Variants in TP63 observed in about 807,000 individuals in gnomAD.
TP63 encodes the protein tumor protein 63.
A neutral mutation model predicts 82.8 loss-of-function variants in TP63; 17 were observed. That is an observed-to-expected ratio of 0.21 (90% CI 0.14 to 0.31). The LOEUF (loss-of-function observed/expected upper bound fraction) is 0.31, where lower values mean the gene tolerates loss of function less well. TP63 is among the 10% of genes least tolerant of loss of function. The pLI is 1.00. For synonymous variants in TP63, 330 were observed against 321.7 expected, an observed-to-expected ratio of 1.03 and a Z score of -0.28; for missense variants, 648 against 895.3, an observed-to-expected ratio of 0.72 and a Z score of 3.52.
intron 1 of TP63, among the ~76,000 whole-genome samples, chr3:189,682,572 A>ATG (rs1716069772): frequency 2.0e-5 from 1 of 50,300 alleles, no homozygotes; most frequent in Non-Finnish European, 3.4e-5. Flanking sequence ...ATATATATAT[A>ATG]TATATATATA....
chr3:189,811,895 C>T (rs1484945397), intron 4 of TP63, among the ~76,000 whole-genome samples: 1 of 152,186 alleles, frequency 6.6e-6, no homozygotes, highest in Admixed American at 6.5e-5. Flanking sequence ...TGGAGCTTGC[C>T]TCTTATGTCC....
intron 3 of TP63, among the ~76,000 whole-genome samples, chr3:189,805,483 G>A (rs1414188135): frequency 6.6e-6 from 1 of 152,196 alleles, no homozygotes; most frequent in Non-Finnish European, 1.5e-5. Flanking sequence ...AAGTTAGTCA[G>A]GTAAGTTTTA....
At chr3:189,879,306 C>T (rs1231529418) in intron 10 of TP63, among the ~76,000 whole-genome samples, 3 of 152,132 alleles carry the variant, frequency 2.0e-5, no homozygotes, top group Non-Finnish European at 4.4e-5. Context: ...TGAGATTGCC[C>T]AACTTTCAGC....
At chr3:189,756,486 A>T (rs1179300869) in intron 3 of TP63, among the ~76,000 whole-genome samples, 1 of 152,222 alleles carries the variant, frequency 6.6e-6, no homozygotes, top group Admixed American at 6.5e-5. Flanking sequence ...ACAAGTATGC[A>T]TTTCAAACCC....
intron 4 of TP63, among the ~76,000 whole-genome samples, chr3:189,854,752 A>G (rs548794762): frequency 6.6e-6 from 1 of 152,182 alleles, no homozygotes; most frequent in Non-Finnish European, 1.5e-5. Context: ...GAAAGGGCTT[A>G]TATTAAAAAC....
At chr3:189,620,525 A>C in the TP63 span, among the ~76,000 whole-genome samples, 2 of 151,982 alleles carry the variant, frequency 1.3e-5, no homozygotes, top group South Asian at 2.1e-4. Flanking sequence ...AACAAAAAAA[A>C]AAAACCTCTC....
the TP63 span, among the ~76,000 whole-genome samples, chr3:189,613,314 A>C: frequency 6.6e-6 from 1 of 152,120 alleles, no homozygotes; most frequent in Non-Finnish European, 1.5e-5. Context: ...GCCAACACAC[A>C]CCTTGGGCTG....
chr3:189,599,074 T>G, the TP63 span, among the ~76,000 whole-genome samples: 1 of 152,194 alleles, frequency 6.6e-6, no homozygotes, highest in Admixed American at 6.5e-5. Flanking sequence ...TCTCAGACCT[T>G]TTTTTCATGT....
At chr3:189,619,612 T>G in the TP63 span, among the ~76,000 whole-genome samples, 2 of 152,068 alleles carry the variant, frequency 1.3e-5, no homozygotes, top group Admixed American at 6.6e-5. Context: ...GAGCCCTAAG[T>G]TTTTCAATAT....
At chr3:189,843,360 G>A (rs76575702) in intron 4 of TP63, among the ~76,000 whole-genome samples, 2,973 of 152,276 alleles carry the variant, frequency 0.02, 87 homozygotes, top group African/African-American at 0.066. Context: ...ATTTGTGGGC[G>A]CGGCCCGGGA....
At chr3:189,742,301 A>G (rs926511294) in intron 3 of TP63, among the ~76,000 whole-genome samples, 2 of 151,444 alleles carry the variant, frequency 1.3e-5, no homozygotes, top group African/African-American at 2.4e-5. Context: ...TGTATTATTC[A>G]TAGACTGTGT....
chr3:189,891,049 CA>C (rs1720966165), intron 13 of TP63, among the ~76,000 whole-genome samples, 167 bp downstream of exon 13: 1 of 152,202 alleles, frequency 6.6e-6, no homozygotes, highest in Admixed American at 6.5e-5. Flanking sequence ...TCCCAGGCCT[CA>C]ACCTATACAT....
At chr3:189,656,146 A>G (rs1480573558) in intron 1 of TP63, among the ~76,000 whole-genome samples, 1 of 152,240 alleles carries the variant, frequency 6.6e-6, no homozygotes, top group Non-Finnish European at 1.5e-5. Flanking sequence ...TTAAAACAAT[A>G]GTAAATAACA....
chr3:189,719,009 A>G (rs1187036617), intron 1 of TP63, among the ~76,000 whole-genome samples: 1 of 152,180 alleles, frequency 6.6e-6, no homozygotes, highest in African/African-American at 2.4e-5. Context: ...GAGCTCTGAC[A>G]TCTCTCAGAC....
At chr3:189,622,397 A>G in the TP63 span, among the ~76,000 whole-genome samples, 8 of 152,246 alleles carry the variant, frequency 5.3e-5, no homozygotes, top group Non-Finnish European at 8.8e-5. Context: ...ATTTGAGATC[A>G]GATCCTGGCT....
chr3:189,622,485 G>A, the TP63 span, among the ~76,000 whole-genome samples: 2 of 152,200 alleles, frequency 1.3e-5, no homozygotes, highest in African/African-American at 4.8e-5. Context: ...AACCTAACTT[G>A]GCTATTTCCT....
the TP63 span, among the ~76,000 whole-genome samples, chr3:189,624,519 C>G: frequency 7.2e-5 from 11 of 152,152 alleles, no homozygotes; most frequent in South Asian, 2.1e-3. Flanking sequence ...TATATAACAG[C>G]CTTTCCTCCT....
At chr3:189,837,208 A>ATT (rs143926706) in intron 4 of TP63, among the ~76,000 whole-genome samples, 17 of 149,760 alleles carry the variant, frequency 1.1e-4, no homozygotes, top group South Asian at 8.5e-4. Context: ...TGTTCAAAAC[A>ATT]TTTTTTTTTT....
At chr3:189,597,188 G>T in the TP63 span, among the ~76,000 whole-genome samples, 1 of 152,198 alleles carries the variant, frequency 6.6e-6, no homozygotes, top group Non-Finnish European at 1.5e-5. Context: ...AAACTATGAA[G>T]TGCTGGGAAC....
Sources: gnomAD v4.1 joint callset for allele counts (sites outside exome capture counted in the v4.1 genomes callset) on GRCh38, gnomAD v4.1.1 for gene constraint, MANE v1.5 for transcripts, NCBI Gene and HGNC (gene_info 2026-07-23, HGNC 2026-07-21) for gene names.